CFAP69: variants seen among roughly 807,000 people sequenced by gnomAD.
The protein encoded by CFAP69 is cilia and flagella associated protein 69.
A neutral mutation model predicts 123.0 loss-of-function variants in CFAP69; 92 were observed. The observed-to-expected ratio is 0.75, with a 90% CI of 0.63 to 0.89. The LOEUF (loss-of-function observed/expected upper bound fraction) is 0.89. Among genes scored for constraint, CFAP69 ranks in the 40% least tolerant of loss-of-function variants. The pLI, the probability that CFAP69 is intolerant of heterozygous loss-of-function variation, is 0.00. For missense variants in CFAP69, 1,067 were observed against 1,096.9 expected, an observed-to-expected ratio of 0.97 and a Z score of 0.39; for synonymous variants, 380 against 364.3, an observed-to-expected ratio of 1.04 and a Z score of -0.49.
chr7:90,251,837 C>T (rs986798970), intron 1 of CFAP69: 11 of 152,226 alleles, frequency 7.2e-5, no homozygotes, highest in African/African-American at 2.4e-4. Context: ...CTTTACTACT[C>T]TCTGTTCTTT....
intron 8 of CFAP69, among the ~76,000 whole-genome samples, chr7:90,272,741 G>C (rs1000608696): frequency 6.6e-6 from 1 of 151,986 alleles, no homozygotes; most frequent in Non-Finnish European, 1.5e-5. Context: ...TCACACCCAA[G>C]CCTATGTAGT....
At chr7:90,289,647 C>G (rs1562900304) in intron 15 of CFAP69, among the ~76,000 whole-genome samples, 2 of 152,028 alleles carry the variant, frequency 1.3e-5, no homozygotes, top group African/African-American at 4.8e-5. Context: ...ATTTACCAGT[C>G]TTTTTTTATG....
rs1165023437 is a variant in CFAP69, at chr7:90,258,103, C to G, written c.186C>G (p.Gly62=). The G allele has an allele frequency of 6.2e-7, 1 of 1,610,686 alleles. No homozygotes were observed. The highest frequency in any genetic ancestry group is 2.2e-5 in the East Asian group (1 of 44,704). ...IKLLEETDKD[G]LEEKQLKFVK... is the part of the protein sequence containing the mutation. ...AAATAGGTGATCTGTTTTAGGATGG[C>G]TTGGAAGAAAAACAACTTAAATTTG... The change falls in exon 3 of 23, where the codon GGC becomes GGG. Residue 62 remains glycine, a synonymous_variant. Coordinates refer to ENST00000389297, the MANE Select transcript of CFAP69 (RefSeq NM_001039706.3).
chr7:90,262,588 TA>T (rs1167014823), intron 4 of CFAP69, among the ~76,000 whole-genome samples: 1 of 152,118 alleles, frequency 6.6e-6, no homozygotes, highest in Non-Finnish European at 1.5e-5. Flanking sequence ...GTTGGTTCTC[TA>T]ACAAGTTCTG....
At chr7:90,311,112 T>G (rs1298269417), downstream of CFAP69, 1 of 152,122 alleles carries the variant, frequency 6.6e-6, no homozygotes, top group Non-Finnish European at 1.5e-5. Context: ...ATGGGGGAAG[T>G]GTTTTCCCTC....
chr7:90,305,539 C>T (rs1289970894), intron 19 of CFAP69, among the ~76,000 whole-genome samples: 1 of 151,076 alleles, frequency 6.6e-6, no homozygotes, highest in Non-Finnish European at 1.5e-5. Flanking sequence ...ATGACAGGCA[C>T]CCGCCACCAC....
Position 90,279,658 on chromosome 7 carries a change from C to G in CFAP69, c.1156-19C>G. 3 of 1,493,444 alleles carry G rather than the reference C, an allele frequency of 2.0e-6. No homozygotes were observed. The highest frequency in any genetic ancestry group is 1.8e-4 in the Middle Eastern group (1 of 5,670). The allele number at this position is 1,493,444 out of a possible 1,614,324, so 92.5% of individuals were successfully genotyped here. On this transcript the variant is annotated intron_variant, in intron 11 of 22. Coordinates refer to ENST00000389297, the MANE Select transcript of CFAP69 (RefSeq NM_001039706.3). ...TTTGGCTATGTTTCTAACAAAGTAT[C>G]CTTTGTTCTTTCTCACAGCTATTAA...
downstream of CFAP69, among the ~76,000 whole-genome samples, chr7:90,313,561 A>G (rs900564195): frequency 1.3e-4 from 20 of 152,222 alleles, no homozygotes; most frequent in African/African-American, 4.6e-4. Flanking sequence ...TGGCGCAGAA[A>G]TATATGAGTC....
intron 3 of CFAP69, among the ~76,000 whole-genome samples, chr7:90,261,725 AT>A (rs1481154556): frequency 6.6e-6 from 1 of 152,172 alleles, no homozygotes; most frequent in African/African-American, 2.4e-5. Flanking sequence ...GAGGAAAAAA[AT>A]TTTGAGTAGG....
At chr7:90,315,115 C>T (rs1794675964), downstream of CFAP69, among the ~76,000 whole-genome samples, 2 of 147,044 alleles carry the variant, frequency 1.4e-5, no homozygotes, top group African/African-American at 2.5e-5. Context: ...CAGATGCTGG[C>T]GAGGTTGCAG....
chr7:90,278,442 C>T (rs1460463521), intron 11 of CFAP69, among the ~76,000 whole-genome samples: 1 of 152,048 alleles, frequency 6.6e-6, no homozygotes, highest in African/African-American at 2.4e-5. Flanking sequence ...CAAAAAAATA[C>T]ATACTGTGTA....
intron 8 of CFAP69, among the ~76,000 whole-genome samples, chr7:90,272,748 T>G (rs1032540760): frequency 6.6e-6 from 1 of 152,108 alleles, no homozygotes; most frequent in Non-Finnish European, 1.5e-5. Context: ...CAAGCCTATG[T>G]AGTAAGACCT....
chr7:90,299,320 T>G (rs1792429217), intron 16 of CFAP69, among the ~76,000 whole-genome samples: 1 of 152,146 alleles, frequency 6.6e-6, no homozygotes, highest in Admixed American at 6.5e-5. Context: ...TGCTTTATAA[T>G]AGGAGAATTT....
In CFAP69 at chr7:90,271,638, T is replaced by G. The variant is rs1404925844; in HGVS notation, c.645T>G (p.Leu215=). 1 of 1,613,512 alleles carries G rather than the reference T, an allele frequency of 6.2e-7. No homozygotes were observed. Among genetic ancestry groups the G allele is most frequent in the Admixed American group, 1.7e-5 (1 of 59,992 alleles). ...TTGAAAATCAACTTGTTGAGAAACT[T>G]TGGGTACTTAAAGTTCTGCAGCATC... ...TLLENQLVEK[L]WVLKVLQHLS... The change falls in exon 7 of 23, where the codon CTT becomes CTG. Residue 215 remains leucine (L), a synonymous_variant. Transcript: ENST00000389297.
Position 90,300,021 on chromosome 7 carries a change from A to C in CFAP69, c.2012A>C (p.Glu671Ala), listed in dbSNP as rs770233517. The change falls in exon 17 of 23, where the codon GAA becomes GCA. Residue 671 changes from glutamate (E) to alanine (A), a missense_variant. Coordinates refer to ENST00000389297, the MANE Select transcript of CFAP69 (RefSeq NM_001039706.3). ...LIKLWRKEEK[E>A]LGVKRDKNGK... ...AAATTGTGGAGAAAGGAGGAAAAAG[A>C]ACTAGGAGTAAAACGTGATAAAAAT... 4 of 1,606,964 alleles carry C rather than the reference A, an allele frequency of 2.5e-6. No individual in the cohort carries two copies. The Admixed American group carries it at 6.8e-5, about 27-fold the overall frequency.
the CFAP69 span, among the ~76,000 whole-genome samples, chr7:90,321,798 T>C: frequency 6.6e-6 from 1 of 152,196 alleles, no homozygotes; most frequent in East Asian, 1.9e-4. Context: ...GGGAAATGTT[T>C]CCTTTATCCC....
intron 15 of CFAP69, among the ~76,000 whole-genome samples, chr7:90,294,327 G>C (rs1487990438): frequency 6.6e-6 from 1 of 152,128 alleles, no homozygotes; most frequent in Non-Finnish European, 1.5e-5. Context: ...TATTAAAACT[G>C]TCTTGATTTC....
chr7:90,247,675 G>A (rs760339132), intron 1 of CFAP69, among the ~76,000 whole-genome samples: 26 of 152,018 alleles, frequency 1.7e-4, no homozygotes, highest in East Asian at 5.8e-4. Context: ...GTGAAACCCC[G>A]TCTCTACTAA....
At chr7:90,282,861 T>A in intron 12 of CFAP69, 31 bp from the exon 13 acceptor site, 1 of 1,420,786 alleles carries the variant, frequency 7.0e-7, no homozygotes, top group Non-Finnish European at 9.3e-7. Context: ...TTGAAATGTT[T>A]TTGTTTTAAA....
Sources: gnomAD v4.1 joint callset for allele counts (sites outside exome capture counted in the v4.1 genomes callset) on GRCh38, gnomAD v4.1.1 for gene constraint, MANE v1.5 for transcripts, NCBI Gene and HGNC (gene_info 2026-07-23, HGNC 2026-07-21) for gene names.